SLC35F4: variants seen among roughly 807,000 people sequenced by gnomAD.
SLC35F4 encodes solute carrier family 35 member F4, also known as chromosome 14 open reading frame 36.
SLC35F4 carries 24 observed loss-of-function variants against 44.2 expected under a neutral mutation model. That is an observed-to-expected ratio of 0.54 (90% CI 0.39 to 0.76). The LOEUF (loss-of-function observed/expected upper bound fraction) is 0.76, where lower values mean the gene tolerates loss of function less well. Ranked by LOEUF, SLC35F4 falls within the 30% of genes least tolerant of loss-of-function variation. The pLI, the probability that SLC35F4 is intolerant of heterozygous loss-of-function variation, is 0.00. For synonymous variants in SLC35F4, 238 were observed against 223.6 expected, an observed-to-expected ratio of 1.06 and a Z score of -0.57; for missense variants, 562 against 586.1, an observed-to-expected ratio of 0.96 and a Z score of 0.42.
intron 4 of SLC35F4, chr14:57,580,503 G>A: frequency 2.5e-6 from 1 of 394,688 alleles, no homozygotes; most frequent in Non-Finnish European, 4.9e-6. Flanking sequence ...ATATGAATGA[G>A]ATCTGGCTCC....
At chr14:57,593,755 T>C (rs2070330008) in intron 2 of SLC35F4, among the ~76,000 whole-genome samples, 184 bp downstream of exon 2, 1 of 152,224 alleles carries the variant, frequency 6.6e-6, no homozygotes, top group Non-Finnish European at 1.5e-5. Context: ...TGCCATACTA[T>C]ACACCACTAA....
chr14:57,727,408 TGC>T (rs1245511967), intron 1 of SLC35F4, among the ~76,000 whole-genome samples: 5 of 152,036 alleles, frequency 3.3e-5, no homozygotes, highest in African/African-American at 9.7e-5. Context: ...CACTTATTTT[TGC>T]TCTGATTTTT....
intron 1 of SLC35F4, among the ~76,000 whole-genome samples, chr14:57,877,674 CTTTTTTTTTT>C (rs139397949): frequency 9.5e-5 from 5 of 52,440 alleles, no homozygotes; most frequent in Non-Finnish European, 1.4e-4. Flanking sequence ...TATTTTTTGA[CTTTTTTTTTT>C]TTTTTTTTTT....
chr14:57,811,293 G>C (rs554187426), intron 1 of SLC35F4, among the ~76,000 whole-genome samples: 24 of 152,322 alleles, frequency 1.6e-4, no homozygotes, highest in African/African-American at 5.5e-4. Context: ...CTACTTACTA[G>C]CTGTGTGACT....
rs1479338062 is a variant in SLC35F4, at chr14:57,865,784, C to G, written c.42G>C (p.Glu14Asp). 1 of 1,523,074 alleles carries G rather than the reference C, an allele frequency of 6.6e-7. No homozygotes were observed. The highest frequency in any genetic ancestry group is 8.8e-7 in the Non-Finnish European group (1 of 1,141,794). 94.3% of individuals were successfully genotyped at this position (1,523,074 alleles called of 1,614,324 possible). A position where few individuals can be genotyped will look rare whatever the true frequency, so the allele number is the denominator to read the frequency against. ...KAAPNGVATI[E>D]DRILRITGYY... ...AGCCGGTGATCCGCAGGATCCGGTCCTCGATAGTGGCCACCCCGTTGGGGG... is the reference window on the plus strand; with the variant it reads ...AGCCGGTGATCCGCAGGATCCGGTCGTCGATAGTGGCCACCCCGTTGGGGG... The change falls in exon 1 of 8, where the codon GAG (glutamate) becomes GAC (aspartate). Residue 14 changes from glutamate (E) to aspartate (D), a missense_variant. By Grantham distance (45) the Glu-to-Asp change is conservative. Coordinates refer to ENST00000556826, the MANE Select transcript of SLC35F4 (RefSeq NM_001306087.2).
chr14:57,596,393 G>C (rs968441846), intron 1 of SLC35F4: 2 of 251,712 alleles, frequency 7.9e-6, no homozygotes, highest in Non-Finnish European at 1.6e-5. Flanking sequence ...TTTCTAATTG[G>C]ACAATTCAAG....
chr14:57,667,045 T>A (rs972744161), intron 1 of SLC35F4, among the ~76,000 whole-genome samples: 1 of 151,402 alleles, frequency 6.6e-6, no homozygotes. Context: ...CATGTGACTT[T>A]TGAGTTAGGC....
intron 1 of SLC35F4, among the ~76,000 whole-genome samples, chr14:57,682,738 C>G (rs1014956542): frequency 6.6e-6 from 1 of 152,062 alleles, no homozygotes; most frequent in Non-Finnish European, 1.5e-5. Flanking sequence ...GCTGATTTAA[C>G]TGGCCAGACT....
intron 1 of SLC35F4, among the ~76,000 whole-genome samples, chr14:57,818,287 G>A (rs1388550774): frequency 1.3e-5 from 2 of 152,108 alleles, no homozygotes; most frequent in African/African-American, 4.8e-5. Context: ...TAACCCACTT[G>A]CTGAATGTGT....
chr14:57,712,964 C>T (rs940903615), intron 1 of SLC35F4, among the ~76,000 whole-genome samples: 7 of 152,264 alleles, frequency 4.6e-5, no homozygotes, highest in African/African-American at 1.2e-4. Context: ...GCCACCTCCA[C>T]GCTCTCAGAA....
At chr14:57,809,802 T>C (rs1172791150) in intron 1 of SLC35F4, among the ~76,000 whole-genome samples, 3 of 152,206 alleles carry the variant, frequency 2.0e-5, no homozygotes, top group African/African-American at 7.2e-5. Flanking sequence ...GCTGACAAAA[T>C]TAATCAAAGA....
intron 4 of SLC35F4, 151 bp downstream of exon 4, chr14:57,581,063 C>G (rs2069216534): frequency 1.5e-6 from 1 of 673,324 alleles, no homozygotes; most frequent in African/African-American, 1.9e-5. Flanking sequence ...ACTGCCTGGG[C>G]TTTCTAATGC....
At chr14:57,613,915 G>A (rs2071656580) in intron 1 of SLC35F4, among the ~76,000 whole-genome samples, 1 of 152,186 alleles carries the variant, frequency 6.6e-6, no homozygotes, top group Non-Finnish European at 1.5e-5. Context: ...GTATGTTTGT[G>A]TTATTATGTA....
intron 1 of SLC35F4, among the ~76,000 whole-genome samples, chr14:57,791,121 A>G (rs1005174682): frequency 1.3e-5 from 2 of 152,260 alleles, no homozygotes; most frequent in Non-Finnish European, 2.9e-5. Flanking sequence ...AACAAAAGCC[A>G]AAATTGACAA....
chr14:57,581,450 A>G lies in SLC35F4; in HGVS notation c.588-17T>C, dbSNP rs2069250093. On this transcript the variant is annotated splice_polypyrimidine_tract_variant and intron_variant, in intron 3 of 7. Transcript: ENST00000556826. ...CTGCATTCCCTAGGAAAGAAAAGAGAAGTTAATATCCAGGTACTGATGGTG... is the reference window on the plus strand; with the variant it reads ...CTGCATTCCCTAGGAAAGAAAAGAGGAGTTAATATCCAGGTACTGATGGTG... The G allele has an allele frequency of 6.3e-7, 1 of 1,591,674 alleles. No homozygotes were observed. The highest frequency in any genetic ancestry group is 8.6e-7 in the Non-Finnish European group (1 of 1,168,156).
At chr14:57,957,725 G>C (rs1195151275) in intron 1 of SLC35F4, among the ~76,000 whole-genome samples, 1 of 152,174 alleles carries the variant, frequency 6.6e-6, no homozygotes, top group African/African-American at 2.4e-5. Context: ...CGGCTCTAGG[G>C]TCAGTTAGAT....
At position 57,607,633 on chromosome 14, in the gene SLC35F4, A is replaced by G. The variant is rs142885271; in HGVS notation, c.104-13509T>C. Among the ~76,000 whole-genome samples, 116 of 152,340 alleles carry G rather than the reference A, an allele frequency of 7.6e-4. 2 individuals are homozygous for G. In the East Asian group the frequency reaches 0.016, roughly 21 times the overall value. ...CAATCTCGGCCAATGCCCACTTCCA[A>G]GACACTCACTGCCATTTGAAAGGAT... On this transcript the variant is annotated intron_variant, in intron 1 of 7. Coordinates refer to ENST00000556826, the MANE Select transcript of SLC35F4 (RefSeq NM_001306087.2).
rs1446602640 is a variant in SLC35F4, at chr14:57,770,028, A to ACC, written c.103+95693_103+95694dup. Among the ~76,000 whole-genome samples the ACC allele has an allele frequency of 3.9e-5, 6 of 152,184 alleles. No individual in the cohort carries two copies. In the East Asian group the frequency reaches 7.7e-4, roughly 20 times the overall value. ...ATTTAGAAAAGAAAGTACAACCAAA[A>ACC]CCCCACAGAAACAAAATTTAAACTC... On this transcript the variant is annotated intron_variant, in intron 1 of 7. Coordinates refer to ENST00000556826, the MANE Select transcript of SLC35F4 (RefSeq NM_001306087.2).
At chr14:57,640,884 ATC>A (rs1053263471) in intron 1 of SLC35F4, among the ~76,000 whole-genome samples, 2 of 152,028 alleles carry the variant, frequency 1.3e-5, no homozygotes, top group African/African-American at 4.8e-5. Context: ...ACTCATATAG[ATC>A]TGATTGAAGG....
Sources: allele counts gnomAD v4.1 joint callset (sites outside exome capture counted in the v4.1 genomes callset), GRCh38; gene constraint gnomAD v4.1.1; transcripts MANE v1.5; gene names NCBI Gene and HGNC (gene_info 2026-07-23, HGNC 2026-07-21).